The following CCDC91 variants were observed in gnomAD, a reference collection of about 807,000 sequenced individuals.
CCDC91 encodes the protein coiled-coil domain containing 91, also known as coiled-coil domain-containing protein 91.
CCDC91 carries 48 observed loss-of-function variants against 63.2 expected under a neutral mutation model. The observed-to-expected ratio is 0.76, with a 90% CI of 0.60 to 0.97. The LOEUF (loss-of-function observed/expected upper bound fraction) is 0.97, where lower values mean the gene tolerates loss of function less well. Ranked by LOEUF, CCDC91 falls within the 50% of genes least tolerant of loss-of-function variation. The pLI is 0.00. For missense variants in CCDC91, 500 were observed against 494.6 expected (o/e 1.01, Z -0.10); for synonymous variants, 167 against 165.8 (o/e 1.01, Z -0.06).
At chr12:28,194,771 G>A (rs542241799) in intron 1 of CCDC91, among the ~76,000 whole-genome samples, 28 of 152,094 alleles carry the variant, frequency 1.8e-4, no homozygotes, top group Non-Finnish European at 3.4e-4. Context: ...TTGTGGTCTC[G>A]CTGGCCTCAG....
chr12:28,227,023 G>A (rs1422011172), intron 1 of CCDC91, among the ~76,000 whole-genome samples: 4 of 152,124 alleles, frequency 2.6e-5, no homozygotes, highest in South Asian at 2.1e-4. Flanking sequence ...TGGGGTTAGG[G>A]TTTTTAGGAG....
chr12:28,428,248 A>C (rs1948434272), intron 8 of CCDC91, among the ~76,000 whole-genome samples: 3 of 152,074 alleles, frequency 2.0e-5, no homozygotes, highest in Non-Finnish European at 2.9e-5. Flanking sequence ...ATTTTATATG[A>C]GTGTAGAAAA....
At chr12:28,449,023 C>T (rs1433079127) in intron 8 of CCDC91, among the ~76,000 whole-genome samples, 1 of 151,884 alleles carries the variant, frequency 6.6e-6, no homozygotes, top group African/African-American at 2.4e-5. Flanking sequence ...CATATAGTAC[C>T]CATAATTTCT....
chr12:28,310,972 G>A (rs1243778074), intron 6 of CCDC91, among the ~76,000 whole-genome samples: 1 of 151,932 alleles, frequency 6.6e-6, no homozygotes, highest in Non-Finnish European at 1.5e-5. Flanking sequence ...AGTATGATGA[G>A]TGCATTTTAA....
intron 3 of CCDC91, among the ~76,000 whole-genome samples, chr12:28,271,138 A>G (rs1437783607): frequency 6.6e-6 from 1 of 152,148 alleles, no homozygotes; most frequent in Non-Finnish European, 1.5e-5. Context: ...GTTTGAGTTC[A>G]ACTCAGGATT....
intron 1 of CCDC91, among the ~76,000 whole-genome samples, chr12:28,191,027 C>T (rs979736310): frequency 1.1e-4 from 16 of 152,214 alleles, no homozygotes; most frequent in African/African-American, 3.9e-4. Flanking sequence ...TTATGTATCC[C>T]CTTTTACTTT....
At chr12:28,285,502 A>T (rs752566908) in intron 3 of CCDC91, among the ~76,000 whole-genome samples, 25 of 152,072 alleles carry the variant, frequency 1.6e-4, no homozygotes, top group Middle Eastern at 3.4e-3. Context: ...TCATATTATG[A>T]TCAAAAGGTA....
rs1310734107 is a variant in CCDC91 at position 28,369,899 on chromosome 12, A to C, written c.654+7384A>C. Reference sequence around the variant, plus strand: ...CAGCTAGAGCTGGAGTAGCTGGGACAGTGTGCCATGTCCAGAGACTGCATA... The same window carrying C: ...CAGCTAGAGCTGGAGTAGCTGGGACCGTGTGCCATGTCCAGAGACTGCATA... On this transcript the variant is annotated intron_variant, in intron 7 of 12. Transcript: ENST00000536442. Among the ~76,000 whole-genome samples the C allele has an allele frequency of 2.0e-5, 3 of 152,196 alleles. No individual in the cohort carries two copies. In the East Asian group the frequency reaches 5.8e-4, roughly 29 times the overall value.
At chr12:28,511,506 GGTC>G (rs1939374483) in intron 12 of CCDC91, among the ~76,000 whole-genome samples, 2 of 151,724 alleles carry the variant, frequency 1.3e-5, no homozygotes, top group Non-Finnish European at 2.9e-5. Context: ...TTCAAATGGT[GGTC>G]GTCTGTTTTC....
chr12:28,393,801 G>A (rs1376970410), intron 8 of CCDC91, among the ~76,000 whole-genome samples: 3 of 151,972 alleles, frequency 2.0e-5, no homozygotes, highest in Non-Finnish European at 2.9e-5. Flanking sequence ...CTATGAATTC[G>A]GTGTTGAGCT....
At chr12:28,389,323 TACC>T (rs1351500744) in intron 7 of CCDC91, among the ~76,000 whole-genome samples, 1 of 152,150 alleles carries the variant, frequency 6.6e-6, no homozygotes, top group East Asian at 1.9e-4. Context: ...AATCCTTATA[TACC>T]TACCTTTGTG....
At chr12:28,203,574 A>G (rs1221318375) in intron 1 of CCDC91, among the ~76,000 whole-genome samples, 1 of 152,222 alleles carries the variant, frequency 6.6e-6, no homozygotes, top group Non-Finnish European at 1.5e-5. Flanking sequence ...GCATCTGCTT[A>G]GTGCTGTGAA....
chr12:28,304,630 A>G (rs1160039794), intron 3 of CCDC91: 1 of 1,261,802 alleles, frequency 7.9e-7, no homozygotes, highest in South Asian at 1.3e-5. Flanking sequence ...CTTCAGGGAA[A>G]CATGCAATTT....
chr12:28,424,380 C>T (rs529670536), intron 8 of CCDC91, among the ~76,000 whole-genome samples: 23 of 152,150 alleles, frequency 1.5e-4, no homozygotes, highest in Admixed American at 5.9e-4. Flanking sequence ...TAAGTCCTGC[C>T]GATTTGTTCG....
At chr12:28,316,726 T>G (rs1335380646) in intron 6 of CCDC91, among the ~76,000 whole-genome samples, 1 of 151,784 alleles carries the variant, frequency 6.6e-6, no homozygotes, top group African/African-American at 2.4e-5. Context: ...TCATTTAAGA[T>G]AGTTTTTTTC....
At chr12:28,385,860 A>G (rs1945565046) in intron 7 of CCDC91, among the ~76,000 whole-genome samples, 1 of 152,152 alleles carries the variant, frequency 6.6e-6, no homozygotes, top group Admixed American at 6.5e-5. Context: ...GGCTATACTT[A>G]TGTCATTCAA....
chr12:28,217,985 C>G lies in CCDC91; in HGVS notation c.-15+27344C>G, dbSNP rs554278201. On this transcript the variant is annotated intron_variant, in intron 1 of 12. Transcript: ENST00000536442. ...CATCTAAGGTTGTCTTCCTGTTTACCTATTATAACTGTCCCCTCCTGTTCC... is the reference window on the plus strand; with the variant it reads ...CATCTAAGGTTGTCTTCCTGTTTACGTATTATAACTGTCCCCTCCTGTTCC... Among the ~76,000 whole-genome samples, 3 of 152,072 alleles carry G rather than the reference C, an allele frequency of 2.0e-5. No homozygotes were observed. The East Asian group carries it at 5.8e-4, about 29-fold the overall frequency.
chr12:28,288,600 GT>G (rs1252751402), intron 3 of CCDC91, among the ~76,000 whole-genome samples: 1 of 151,134 alleles, frequency 6.6e-6, no homozygotes, highest in Middle Eastern at 3.2e-3. Context: ...TGCCACAAGT[GT>G]TTTTGCATTG....
chr12:28,338,258 C>CTT (rs71039893), intron 6 of CCDC91, among the ~76,000 whole-genome samples: 3,272 of 143,642 alleles, frequency 0.023, 57 homozygotes, highest in Non-Finnish European at 0.035. Context: ...CCTTATGGAT[C>CTT]TTTTTTTTTT....
Sources: allele counts gnomAD v4.1 joint callset (sites outside exome capture counted in the v4.1 genomes callset), GRCh38; gene constraint gnomAD v4.1.1; transcripts MANE v1.5; gene names NCBI Gene and HGNC (gene_info 2026-07-23, HGNC 2026-07-21).